The following TFRC variants were observed in gnomAD, a reference collection of about 807,000 sequenced individuals.
TFRC encodes the protein transferrin receptor, also known as transferrin receptor protein 1.
A neutral mutation model predicts 85.8 loss-of-function variants in TFRC; 35 were observed. The ratio of observed to expected loss-of-function variants is 0.41; its 90% CI spans 0.31 to 0.54. The LOEUF (loss-of-function observed/expected upper bound fraction) is 0.54, where lower values mean the gene tolerates loss of function less well. Ranked by LOEUF, TFRC falls within the 20% of genes least tolerant of loss-of-function variation. TFRC has a pLI of 0.31. For missense variants in TFRC, 828 were observed against 921.5 expected, an observed-to-expected ratio of 0.90 and a Z score of 1.31; for synonymous variants, 362 against 328.6, an observed-to-expected ratio of 1.10 and a Z score of -1.10.
chr3:196,063,273 T>C (rs1407925139), intron 11 of TFRC: 1 of 190,904 alleles, frequency 5.2e-6, no homozygotes, highest in Non-Finnish European at 1.1e-5. Context: ...GACCCAGAGA[T>C]CATTGAAAAC....
At chr3:196,078,808 CTTG>C (rs1195854617) in intron 1 of TFRC, among the ~76,000 whole-genome samples, 1 of 150,034 alleles carries the variant, frequency 6.7e-6, no homozygotes, top group Non-Finnish European at 1.5e-5. Flanking sequence ...GAGTTTCGGT[CTTG>C]TTGCCTAGGC....
chr3:196,077,162 T>G (rs1718772734), intron 1 of TFRC, 40 bp from the exon 2 acceptor site: 1 of 1,435,470 alleles, frequency 7.0e-7, no homozygotes, highest in African/African-American at 1.4e-5. Context: ...AAGATACTAC[T>G]GTATCAGATT....
intron 3 of TFRC, among the ~76,000 whole-genome samples, chr3:196,074,720 A>G (rs1577251443): frequency 6.6e-6 from 1 of 152,010 alleles, no homozygotes; most frequent in Admixed American, 6.6e-5. Flanking sequence ...CTCTACTAAA[A>G]ATACAAAAAT....
chr3:196,067,560 G>A lies in TFRC; in HGVS notation c.998C>T (p.Pro333Leu). ...PSRSSGLPNIPVQTISRAAAE... is the reference protein window; with the variant it reads ...PSRSSGLPNILVQTISRAAAE... ...AGCAGCTCTGGAGATTGTCTGGACA[G>A]GTATATTAGGCAATCCTGATGACCG... Residue 333 changes from proline (P) to leucine (L), a missense_variant, in exon 9 of 19, where the codon CCT becomes CTT. Coordinates refer to ENST00000360110, the MANE Select transcript of TFRC (RefSeq NM_001128148.3). The A allele has an allele frequency of 6.2e-7, 1 of 1,614,092 alleles. No individual in the cohort carries two copies. Among genetic ancestry groups the A allele is most frequent in the Non-Finnish European group, 8.5e-7 (1 of 1,179,998 alleles).
At chr3:196,069,672 AG>A in intron 6 of TFRC, 104 bp from the exon 7 acceptor site, 1 of 647,896 alleles carries the variant, frequency 1.5e-6, no homozygotes, top group Non-Finnish European at 2.6e-6. Context: ...AGGCAACCCA[AG>A]TAAGAGATAA....
intron 11 of TFRC, 142 bp downstream of exon 11, chr3:196,064,165 CAA>C (rs1169481217): frequency 2.2e-6 from 2 of 901,822 alleles, no homozygotes; most frequent in Non-Finnish European, 3.1e-6. Context: ...GCAGCTACAA[CAA>C]AAGACAATCT....
rs902456557 is a variant in TFRC, at chr3:196,080,519, G to A, written c.-24+1524C>T. Among the ~76,000 whole-genome samples, 7 of 152,220 alleles carry A rather than the reference G, an allele frequency of 4.6e-5. No homozygotes were observed. The South Asian group carries it at 6.2e-4, about 13-fold the overall frequency. ...CTCCCAAAGTGCTGGGATTACAGGCGGGAGCCAATGCGCCCAGCCGAGGGT... is the reference window on the plus strand; with the variant it reads ...CTCCCAAAGTGCTGGGATTACAGGCAGGAGCCAATGCGCCCAGCCGAGGGT... On this transcript the variant is annotated intron_variant, in intron 1 of 18. Coordinates refer to ENST00000360110, the MANE Select transcript of TFRC (RefSeq NM_001128148.3).
chr3:196,070,082 T>C (rs1279981354), intron 6 of TFRC, among the ~76,000 whole-genome samples: 1 of 152,084 alleles, frequency 6.6e-6, no homozygotes, highest in East Asian at 1.9e-4. Flanking sequence ...TACAGAAAGC[T>C]TGAAGTTGAA....
In TFRC at chr3:196,050,275, C is replaced by A; in HGVS notation, c.*1667G>T. On this transcript the variant is annotated 3_prime_UTR_variant, in exon 19 of 19. Coordinates refer to ENST00000360110, the MANE Select transcript of TFRC (RefSeq NM_001128148.3). ...GGACCTGGAGAAACCATAAAGGTAA[C>A]AAAAACCCAAGCTAAATTTCAAATT... The A allele has an allele frequency of 4.5e-6, 1 of 221,836 alleles. No individual in the cohort carries two copies. The allele number at this position is 221,836 out of a possible 1,614,324, so 13.7% of individuals were successfully genotyped here.
intron 1 of TFRC, among the ~76,000 whole-genome samples, chr3:196,080,324 G>C (rs916552496): frequency 6.6e-6 from 1 of 152,150 alleles, no homozygotes; most frequent in Admixed American, 6.5e-5. Context: ...GGCTAGTCTC[G>C]AACTCCTCAC....
intron 11 of TFRC, 101 bp from the exon 12 acceptor site, chr3:196,063,040 T>G: frequency 1.2e-6 from 1 of 812,568 alleles, no homozygotes; most frequent in Non-Finnish European, 1.9e-6. Context: ...AATTCCAAGA[T>G]AGCAGATTCC....
chr3:196,073,738 A>G (rs1449106629), intron 4 of TFRC, among the ~76,000 whole-genome samples, 192 bp downstream of exon 4: 4 of 152,206 alleles, frequency 2.6e-5, no homozygotes, highest in Non-Finnish European at 5.9e-5. Context: ...GACTCCCCAG[A>G]GAAGTTCTAC....
At chr3:196,068,734 C>G (rs1717944054) in intron 7 of TFRC, among the ~76,000 whole-genome samples, 1 of 151,168 alleles carries the variant, frequency 6.6e-6, no homozygotes, top group Admixed American at 6.6e-5. Flanking sequence ...TCAAGACCAG[C>G]CAGGCCAACG....
At chr3:196,063,085 A>G in intron 11 of TFRC, 146 bp from the exon 12 acceptor site, 2 of 610,960 alleles carry the variant, frequency 3.3e-6, no homozygotes, top group Non-Finnish European at 5.6e-6. Flanking sequence ...AAAGAAAAAA[A>G]AAACTAACAA....
chr3:196,057,278 CTG>C (rs1716874954), intron 16 of TFRC, among the ~76,000 whole-genome samples: 2 of 152,346 alleles, frequency 1.3e-5, no homozygotes, highest in African/African-American at 4.8e-5. Flanking sequence ...TAGAAAAGCA[CTG>C]TGAAAATCCC....
chr3:196,062,848 G>A lies in TFRC; in HGVS notation c.1404+6C>T. ...GTCCAATATGGGAAGGGATGATAAA[G>A]AATACCTCTAGCCATTCAGTGGCAC... On this transcript the variant is annotated splice_donor_region_variant and intron_variant, in intron 12 of 18. Coordinates refer to ENST00000360110, the MANE Select transcript of TFRC (RefSeq NM_001128148.3). The A allele has an allele frequency of 6.2e-7, 1 of 1,613,592 alleles. No individual in the cohort carries two copies. The highest frequency in any genetic ancestry group is 8.5e-7 in the Non-Finnish European group (1 of 1,179,550).
intron 2 of TFRC, among the ~76,000 whole-genome samples, chr3:196,075,682 G>A (rs1718626773): frequency 6.6e-6 from 1 of 151,830 alleles, no homozygotes; most frequent in African/African-American, 2.4e-5. Context: ...CCCCACCTCA[G>A]CCTCCTGAGT....
chr3:196,079,028 C>G (rs908490072), intron 1 of TFRC, among the ~76,000 whole-genome samples: 134 of 152,214 alleles, frequency 8.8e-4, no homozygotes, highest in African/African-American at 3.1e-3. Context: ...CCCACCTGGC[C>G]TCCCAAAGTG....
In TFRC at chr3:196,049,619, T is replaced by C. The variant is rs531402913; in HGVS notation, c.*2323A>G. 1.3e-5 allele frequency: 3 copies of C among 225,556 alleles called. No homozygotes were observed. Among genetic ancestry groups the C allele is most frequent in the Non-Finnish European group, 1.8e-5 (2 of 113,366 alleles). The allele number at this position is 225,556 out of a possible 1,614,324, so 14.0% of individuals were successfully genotyped here. On this transcript the variant is annotated 3_prime_UTR_variant, in exon 19 of 19. Coordinates refer to ENST00000360110, the MANE Select transcript of TFRC (RefSeq NM_001128148.3). ...ATAGGAAGTAACTCAACCCTAACTG[T>C]AGAAAAGGGTTTTCTGAAGAGACTC...
Sources: gnomAD v4.1 joint callset for allele counts (sites outside exome capture counted in the v4.1 genomes callset) on GRCh38, gnomAD v4.1.1 for gene constraint, MANE v1.5 for transcripts, NCBI Gene and HGNC (gene_info 2026-07-23, HGNC 2026-07-21) for gene names.